FAM174B: variants seen among roughly 807,000 people sequenced by gnomAD.
FAM174B encodes membrane protein FAM174B.
Under a neutral mutation model 10.9 loss-of-function variants are expected in FAM174B, and 12 were observed. That is an observed-to-expected ratio of 1.10 (90% CI 0.71 to 1.79). FAM174B has a LOEUF of 1.79. Ranked by LOEUF, FAM174B falls within the 40% of genes most tolerant of loss-of-function variation. The probability of loss-of-function intolerance (pLI) is 0.00; values close to 1 mark genes in which losing one functional copy is unlikely to be tolerated. For synonymous variants in FAM174B, 132 were observed against 115.8 expected (o/e 1.14, Z -0.90); for missense variants, 266 against 233.3 (o/e 1.14, Z -0.91).
intron 1 of FAM174B, among the ~76,000 whole-genome samples, chr15:92,631,380 A>T (rs2050812231): frequency 2.6e-5 from 1 of 38,434 alleles, no homozygotes; most frequent in African/African-American, 1.5e-4. Context: ...TATATAATAT[A>T]TTATATATTA....
chr15:92,637,503 C>T (rs2050863636), intron 1 of FAM174B, among the ~76,000 whole-genome samples: 1 of 152,214 alleles, frequency 6.6e-6, no homozygotes, highest in Non-Finnish European at 1.5e-5. Flanking sequence ...GAAGGCACTG[C>T]ACGAAGGGAA....
chr15:92,626,042 T>C (rs1052988583), intron 2 of FAM174B, among the ~76,000 whole-genome samples: 1 of 151,856 alleles, frequency 6.6e-6, no homozygotes, highest in Non-Finnish European at 1.5e-5. Flanking sequence ...CCAGATGACG[T>C]ATCTACACAG....
At chr15:92,650,320 T>C (rs1227647315) in intron 1 of FAM174B, among the ~76,000 whole-genome samples, 1 of 152,226 alleles carries the variant, frequency 6.6e-6, no homozygotes, top group Non-Finnish European at 1.5e-5. Flanking sequence ...AGTGTGCACC[T>C]TTCCCACTGA....
intron 2 of FAM174B, among the ~76,000 whole-genome samples, chr15:92,624,584 C>G (rs2050741083): frequency 6.6e-6 from 1 of 152,242 alleles, no homozygotes; most frequent in Non-Finnish European, 1.5e-5. Context: ...CAAAAATGCC[C>G]TTTGTTTCCA....
Position 92,617,586 on chromosome 15 carries a change from G to C in FAM174B, c.*1870C>G. ...GCAGATGGAGCCCGGGTGTTTCTGC[G>C]TAAGGCAGAGGAATCCAGCTTTTCC... is the stretch of plus-strand genomic sequence containing the variant. On this transcript the variant is annotated 3_prime_UTR_variant, in exon 3 of 3. Transcript: ENST00000327355. 1.6e-6 allele frequency: 1 copy of C among 613,444 alleles called. No individual in the cohort carries two copies. Among genetic ancestry groups the C allele is most frequent in the Non-Finnish European group, 2.9e-6 (1 of 347,350 alleles). 38.0% of individuals were successfully genotyped at this position (613,444 alleles called of 1,614,324 possible). A position where few individuals can be genotyped will look rare whatever the true frequency, so the allele number is the denominator to read the frequency against.
chr15:92,635,091 G>A (rs546564032), intron 1 of FAM174B, among the ~76,000 whole-genome samples: 39 of 140,914 alleles, frequency 2.8e-4, no homozygotes, highest in African/African-American at 9.7e-4. Context: ...GATTCCTTAC[G>A]ATAAGCCTCT....
intron 2 of FAM174B, among the ~76,000 whole-genome samples, chr15:92,628,341 T>G (rs1207524946): frequency 2.4e-5 from 1 of 41,798 alleles, no homozygotes; most frequent in African/African-American, 7.7e-5. Flanking sequence ...ATTTTTGCTT[T>G]TTTTTTTTTT....
Position 92,619,266 on chromosome 15 carries a change from G to A in FAM174B, c.*190C>T, listed in dbSNP as rs762088670. 45 of 728,378 alleles carry A rather than the reference G, an allele frequency of 6.2e-5. No individual in the cohort carries two copies. The highest frequency in any genetic ancestry group is 6.1e-4 in the African/African-American group (35 of 57,694). The allele number at this position is 728,378 out of a possible 1,614,324, so 45.1% of individuals were successfully genotyped here. On this transcript the variant is annotated 3_prime_UTR_variant, in exon 3 of 3. Coordinates refer to ENST00000327355, the MANE Select transcript of FAM174B (RefSeq NM_207446.3). Reference sequence around the variant, plus strand: ...GCAGAAGCAACTCCATTGTGGTGACGTGGAAACGAGCTTGCCAGTGACAGT... The same window carrying A: ...GCAGAAGCAACTCCATTGTGGTGACATGGAAACGAGCTTGCCAGTGACAGT...
At chr15:92,628,881 T>G (rs1252577639) in intron 2 of FAM174B, among the ~76,000 whole-genome samples, 5 of 152,134 alleles carry the variant, frequency 3.3e-5, no homozygotes, top group Non-Finnish European at 7.4e-5. Flanking sequence ...TATAAAACAT[T>G]TATACATAAA....
At chr15:92,633,181 C>T (rs78373968) in intron 1 of FAM174B, among the ~76,000 whole-genome samples, 10 of 152,242 alleles carry the variant, frequency 6.6e-5, no homozygotes, top group South Asian at 2.1e-4. Context: ...GCTGACCATA[C>T]GCTATTCCCG....
chr15:92,653,755 A>G (rs1303910022), intron 1 of FAM174B, among the ~76,000 whole-genome samples: 1 of 152,256 alleles, frequency 6.6e-6, no homozygotes, highest in Non-Finnish European at 1.5e-5. Context: ...ACGCACTTGT[A>G]GAATATAGAG....
At chr15:92,638,444 A>C (rs1266894752) in intron 1 of FAM174B, among the ~76,000 whole-genome samples, 2 of 152,198 alleles carry the variant, frequency 1.3e-5, no homozygotes, top group Non-Finnish European at 2.9e-5. Flanking sequence ...GAGGGAGGAC[A>C]CCAGGCCCTG....
chr15:92,619,710 T>C (rs1437735586), intron 2 of FAM174B: 8 of 570,288 alleles, frequency 1.4e-5, no homozygotes, highest in East Asian at 2.8e-5. Context: ...ACACAACCTC[T>C]TTCTCCTTAT....
intron 1 of FAM174B, among the ~76,000 whole-genome samples, chr15:92,631,336 ATATAT>A (rs1453061643): frequency 4.0e-4 from 1 of 2,488 alleles, no homozygotes; most frequent in African/African-American, 7.2e-4. Context: ...ATAATATATT[ATATAT>A]TATATATAAT....
At chr15:92,648,661 G>A (rs374033903) in intron 1 of FAM174B, among the ~76,000 whole-genome samples, 19 of 151,814 alleles carry the variant, frequency 1.3e-4, no homozygotes, top group African/African-American at 4.1e-4. Flanking sequence ...GGAGGTAGGC[G>A]GAAGGAGCTC....
In FAM174B at chr15:92,619,272, A is replaced by G. The variant is rs902500538; in HGVS notation, c.*184T>C. 2 of 737,372 alleles carry G rather than the reference A, an allele frequency of 2.7e-6. No homozygotes were observed. Among genetic ancestry groups the G allele is most frequent in the Non-Finnish European group, 4.9e-6 (2 of 411,056 alleles). 45.7% of individuals were successfully genotyped at this position (737,372 alleles called of 1,614,324 possible). On this transcript the variant is annotated 3_prime_UTR_variant, in exon 3 of 3. Coordinates refer to ENST00000327355, the MANE Select transcript of FAM174B (RefSeq NM_207446.3). ...GCAACTCCATTGTGGTGACGTGGAA[A>G]CGAGCTTGCCAGTGACAGTCTGAGC...
At position 92,636,750 on chromosome 15, in the gene FAM174B, G is replaced by A. The variant is rs576674590; in HGVS notation, c.345-6405C>T. On this transcript the variant is annotated intron_variant, in intron 1 of 2. Transcript: ENST00000327355. ...CCAGCTGAGACCTCCCCAACAGGTC[G>A]CCTTGAGTCATCCCTGGTATGCCCT... 5.3e-5 allele frequency among the ~76,000 whole-genome samples: 8 copies of A among 152,280 alleles called. No homozygotes were observed. The South Asian group carries it at 1.0e-3, about 20-fold the overall frequency.
intron 1 of FAM174B, among the ~76,000 whole-genome samples, chr15:92,647,636 T>C (rs2050937534): frequency 6.6e-6 from 1 of 152,170 alleles, no homozygotes; most frequent in Non-Finnish European, 1.5e-5. Flanking sequence ...CAAGGCTCTT[T>C]GTGGCAATAA....
intron 1 of FAM174B, among the ~76,000 whole-genome samples, chr15:92,642,548 T>C (rs150747833): frequency 1.4e-3 from 206 of 152,366 alleles, no homozygotes; most frequent in African/African-American, 4.9e-3. Flanking sequence ...GCTGTTCTCA[T>C]GATAGTGAGT....
Sources: gnomAD v4.1 joint callset for allele counts (sites outside exome capture counted in the v4.1 genomes callset) on GRCh38, gnomAD v4.1.1 for gene constraint, MANE v1.5 for transcripts, NCBI Gene and HGNC (gene_info 2026-07-23, HGNC 2026-07-21) for gene names.